Variants in TFAM observed in about 807,000 individuals in gnomAD.
TFAM encodes the protein mitochondrial transcription factor 1.
TFAM carries 13 observed loss-of-function variants against 30.6 expected under a neutral mutation model. That is an observed-to-expected ratio of 0.42 (90% CI 0.28 to 0.67). TFAM has a LOEUF of 0.67. Ranked by LOEUF, TFAM falls within the 30% of genes least tolerant of loss-of-function variation. The pLI is 0.21. For synonymous variants in TFAM, 106 were observed against 94.8 expected (o/e 1.12, Z -0.69); for missense variants, 231 against 293.7 (o/e 0.79, Z 1.56).
chr10:58,391,933 T>C (rs1840606040), intron 5 of TFAM, among the ~76,000 whole-genome samples: 1 of 151,748 alleles, frequency 6.6e-6, no homozygotes, highest in African/African-American at 2.4e-5. Context: ...GGTTTTTTTT[T>C]TTTTTTTGTA....
intron 4 of TFAM, among the ~76,000 whole-genome samples, chr10:58,389,030 G>A (rs1282106769): frequency 6.6e-6 from 1 of 152,174 alleles, no homozygotes; most frequent in Non-Finnish European, 1.5e-5. Flanking sequence ...AATCCTTGTT[G>A]CTACTTGCAG....
Position 58,399,134 on chromosome 10 carries a change from A to G in TFAM, c.*4060A>G, listed in dbSNP as rs1326842290. On this transcript the variant is annotated 3_prime_UTR_variant, in exon 7 of 7. Coordinates refer to ENST00000487519, the MANE Select transcript of TFAM (RefSeq NM_003201.3). ...ATACAACCATTATCTAATACATTTC[A>G]GAATGTTTCACTGGTTACAGGAGCC... is the stretch of plus-strand genomic sequence containing the variant. 6.6e-6 allele frequency: 1 copy of G among 152,234 alleles called. No individual in the cohort carries two copies. The highest frequency in any genetic ancestry group is 2.4e-5 in the African/African-American group (1 of 41,466). 9.4% of individuals were successfully genotyped at this position (152,234 alleles called of 1,614,324 possible).
At chr10:58,394,682 C>T in intron 6 of TFAM, 1 of 634,694 alleles carries the variant, frequency 1.6e-6, no homozygotes. Flanking sequence ...TGCCCCCTTC[C>T]TGCACCTCAA....
intron 4 of TFAM, among the ~76,000 whole-genome samples, chr10:58,390,216 C>T (rs1840565505): frequency 1.3e-5 from 2 of 152,144 alleles, no homozygotes; most frequent in Admixed American, 1.3e-4. Flanking sequence ...AATATCACTC[C>T]CTGAACTCAG....
rs1840729901 is a variant in TFAM at position 58,398,487 on chromosome 10, C to A, written c.*3413C>A. 1 of 152,072 alleles carries A rather than the reference C, an allele frequency of 6.6e-6. No homozygotes were observed. The highest frequency in any genetic ancestry group is 1.5e-5 in the Non-Finnish European group (1 of 68,022). The allele number at this position is 152,072 out of a possible 1,614,324, so 9.4% of individuals were successfully genotyped here. A position where few individuals can be genotyped will look rare whatever the true frequency, so the allele number is the denominator to read the frequency against. On this transcript the variant is annotated 3_prime_UTR_variant, in exon 7 of 7. Transcript: ENST00000487519. Reference sequence around the variant, plus strand: ...TAATACTGTGTACGTATTCAGCTTGCTGTAATTCTGTAATTACGCTATTGC... The same window carrying A: ...TAATACTGTGTACGTATTCAGCTTGATGTAATTCTGTAATTACGCTATTGC...
chr10:58,398,053 T>G lies in TFAM; in HGVS notation c.*2979T>G, dbSNP rs1308869140. On this transcript the variant is annotated 3_prime_UTR_variant, in exon 7 of 7. Coordinates refer to ENST00000487519, the MANE Select transcript of TFAM (RefSeq NM_003201.3). ...GGATTATAGGTGTGAGCCACCATGC[T>G]TGACCATAAAGCCTTACTATTTCTT... 6.6e-6 allele frequency: 1 copy of G among 152,138 alleles called. No homozygotes were observed. The highest frequency in any genetic ancestry group is 1.9e-4 in the East Asian group (1 of 5,184). The allele number at this position is 152,138 out of a possible 1,614,324, so 9.4% of individuals were successfully genotyped here. A position where few individuals can be genotyped will look rare whatever the true frequency, so the allele number is the denominator to read the frequency against.
At position 58,395,068 on chromosome 10, in the gene TFAM, G is replaced by A. The variant is rs771875301; in HGVS notation, c.735G>A (p.Glu245=). The change falls in exon 7 of 7, where the codon GAG becomes GAA. Residue 245 remains glutamate (E), a synonymous_variant. Coordinates refer to ENST00000487519, the MANE Select transcript of TFAM (RefSeq NM_003201.3). ...AACAACGAAAATATGGTGCTGAGGA[G>A]TGTTAAAAGTAGAAGATTGAGATGT... ...IKKQRKYGAE[E]C The A allele has an allele frequency of 1.4e-5, 22 of 1,613,302 alleles. No individual in the cohort carries two copies. Among genetic ancestry groups the A allele is most frequent in the Middle Eastern group, 1.6e-4 (1 of 6,078 alleles).
intron 4 of TFAM, among the ~76,000 whole-genome samples, chr10:58,389,758 T>C (rs1840557289): frequency 6.6e-6 from 1 of 152,190 alleles, no homozygotes; most frequent in African/African-American, 2.4e-5. Context: ...CATTCTCCCT[T>C]CCTCCTTAAT....
rs1840535370 is a variant in TFAM, at chr10:58,388,651, T to G, written c.292-19T>G. 4 of 1,608,540 alleles carry G rather than the reference T, an allele frequency of 2.5e-6. No individual in the cohort carries two copies. The African/African-American group carries it at 4.1e-5, about 16-fold the overall frequency. On this transcript the variant is annotated intron_variant, in intron 3 of 6. Transcript: ENST00000487519. ...TGCCAGCAATGGTTTGTTGACTTAC[T>G]TGGGTTTTTTATTTATAGATATATC...
chr10:58,394,605 G>C, intron 6 of TFAM, 191 bp downstream of exon 6: 1 of 729,788 alleles, frequency 1.4e-6, no homozygotes. Flanking sequence ...AATAAAATTG[G>C]TATTTGAAAC....
At chr10:58,390,177 C>T (rs931690525) in intron 4 of TFAM, among the ~76,000 whole-genome samples, 1 of 152,134 alleles carries the variant, frequency 6.6e-6, no homozygotes, top group African/African-American at 2.4e-5. Flanking sequence ...ACTTACTATC[C>T]AAATTCAGAA....
rs891819342 is a variant in TFAM at position 58,399,220 on chromosome 10, A to G, written c.*4146A>G. ...TAAACTAAACATTTTTTCATCACCA[A>G]GCATCATTTATATATTGGTTTCTGA... On this transcript the variant is annotated 3_prime_UTR_variant, in exon 7 of 7. Coordinates refer to ENST00000487519, the MANE Select transcript of TFAM (RefSeq NM_003201.3). 1 of 152,182 alleles carries G rather than the reference A, an allele frequency of 6.6e-6. No homozygotes were observed. 9.4% of individuals were successfully genotyped at this position (152,182 alleles called of 1,614,324 possible). A position where few individuals can be genotyped will look rare whatever the true frequency, so the allele number is the denominator to read the frequency against.
chr10:58,390,726 G>A, intron 4 of TFAM, 39 bp from the exon 5 acceptor site: 1 of 1,498,420 alleles, frequency 6.7e-7, no homozygotes, highest in Non-Finnish European at 9.3e-7. Context: ...TCTCATGGAG[G>A]TTAACACTAT....
At position 58,390,798 on chromosome 10, in the gene TFAM, C is replaced by T. The variant is rs1375212511; in HGVS notation, c.475C>T (p.Arg159Cys). ...LTLLGKPKRP[R>C]SAYNVYVAER... ...ACTGCTTGGAAAACCAAAAAGACCT[C>T]GTTCAGCTTATAACGTTTATGTAGC... Residue 159 changes from arginine to cysteine, a missense_variant, in exon 5 of 7, where the codon CGT becomes TGT. By Grantham distance (180) the Arg-to-Cys change is radical. Coordinates refer to ENST00000487519, the MANE Select transcript of TFAM (RefSeq NM_003201.3). 2.5e-6 allele frequency: 4 copies of T among 1,612,984 alleles called. No homozygotes were observed. The highest frequency in any genetic ancestry group is 3.4e-6 in the Non-Finnish European group (4 of 1,179,752).
chr10:58,396,040 G>A lies in TFAM; in HGVS notation c.*966G>A, dbSNP rs1046122784. ...TTTTATGGCCTGTGAGCTAGGAATT[G>A]TGTTTATAATTTTAAATGTTTTTTT... On this transcript the variant is annotated 3_prime_UTR_variant, in exon 7 of 7. Coordinates refer to ENST00000487519, the MANE Select transcript of TFAM (RefSeq NM_003201.3). The A allele has an allele frequency of 6.1e-6, 1 of 162,682 alleles. No individual in the cohort carries two copies. The highest frequency in any genetic ancestry group is 1.3e-5 in the Non-Finnish European group (1 of 75,430). 10.1% of individuals were successfully genotyped at this position (162,682 alleles called of 1,614,324 possible).
intron 2 of TFAM, chr10:58,386,809 G>T (rs918862454): frequency 5.4e-6 from 3 of 554,508 alleles, no homozygotes; most frequent in Non-Finnish European, 7.0e-6. Flanking sequence ...CATCATAGGA[G>T]TTCAGAGCCA....
intron 4 of TFAM, among the ~76,000 whole-genome samples, chr10:58,389,541 A>G (rs975373269): frequency 5.3e-5 from 8 of 152,210 alleles, no homozygotes; most frequent in Non-Finnish European, 7.3e-5. Flanking sequence ...TGGGATGCCA[A>G]TACGTCTTTC....
chr10:58,385,645 T>C lies in TFAM; in HGVS notation c.98T>C (p.Phe33Ser), dbSNP rs1183604281. The C allele has an allele frequency of 2.6e-6, 4 of 1,554,930 alleles. No homozygotes were observed. Among genetic ancestry groups the C allele is most frequent in the Non-Finnish European group, 3.5e-6 (4 of 1,149,032 alleles). ...TGCGSRLRSP[F>S]SFVYLPRWFS... ...TGTGGAAGTCGACTGCGCTCCCCCT[T>C]CAGGTAGGCCCGCTTGCCTGTGCCC... is the stretch of plus-strand genomic sequence containing the variant. Residue 33 changes from phenylalanine (F) to serine (S), a missense_variant, in exon 1 of 7, where the codon TTC (phenylalanine) becomes TCC (serine). Physicochemically the swap from Phe to Ser is radical, Grantham distance 155. Coordinates refer to ENST00000487519, the MANE Select transcript of TFAM (RefSeq NM_003201.3).
chr10:58,390,451 C>T (rs1025161961), intron 4 of TFAM, among the ~76,000 whole-genome samples: 1 of 152,016 alleles, frequency 6.6e-6, no homozygotes, highest in Non-Finnish European at 1.5e-5. Context: ...CAAGGATGAA[C>T]CTAAGGTTGT....
Sources: allele counts gnomAD v4.1 joint callset (sites outside exome capture counted in the v4.1 genomes callset), GRCh38; gene constraint gnomAD v4.1.1; transcripts MANE v1.5; gene names NCBI Gene and HGNC (gene_info 2026-07-23, HGNC 2026-07-21).